Variants in CHLSN observed in about 807,000 individuals in gnomAD.
CHLSN encodes cholesin.
At chr7:997,800 G>A in the CHLSN span, 2 of 1,604,216 alleles carry the variant, frequency 1.2e-6, no homozygotes, top group African/African-American at 1.3e-5. Context: ...GTGCTCATCG[G>A]GAACCTGGAC....
At chr7:1,069,269 T>G in the CHLSN span, among the ~76,000 whole-genome samples, 1 of 152,098 alleles carries the variant, frequency 6.6e-6, no homozygotes, top group African/African-American at 2.4e-5. Context: ...AGGCAGAGGT[T>G]GCGGTGAGCC....
chr7:1,020,426 G>A, the CHLSN span, among the ~76,000 whole-genome samples: 12 of 152,130 alleles, frequency 7.9e-5, no homozygotes, highest in Non-Finnish European at 1.5e-4. Context: ...CCCTAGGTTC[G>A]CTTCTCGCCA....
At chr7:1,080,263 G>C in the CHLSN span, among the ~76,000 whole-genome samples, 2 of 152,362 alleles carry the variant, frequency 1.3e-5, no homozygotes, top group East Asian at 3.9e-4. Flanking sequence ...AACATTTAAA[G>C]CAGCTTTATA....
chr7:1,019,654 T>C, the CHLSN span, among the ~76,000 whole-genome samples: 1,989 of 152,308 alleles, frequency 0.013, 23 homozygotes, highest in Non-Finnish European at 0.021. Flanking sequence ...GAAGCTCCAG[T>C]GGCCGCCAAG....
chr7:1,030,434 C>T, the CHLSN span, among the ~76,000 whole-genome samples: 6 of 152,168 alleles, frequency 3.9e-5, no homozygotes, highest in South Asian at 6.2e-4. Context: ...TGCAGTCCCC[C>T]GGGCTGGGCC....
the CHLSN span, among the ~76,000 whole-genome samples, chr7:1,013,587 T>C: frequency 6.6e-6 from 1 of 152,218 alleles, no homozygotes; most frequent in African/African-American, 2.4e-5. Context: ...GCCACTCTTC[T>C]GGGAGAGGTG....
At chr7:1,136,499 AATAT>A in the CHLSN span, among the ~76,000 whole-genome samples, 15 of 109,896 alleles carry the variant, frequency 1.4e-4, no homozygotes, top group Admixed American at 3.9e-4. Context: ...TAAACATATA[AATAT>A]ATATAAACAT....
chr7:1,059,733 G>C, the CHLSN span, among the ~76,000 whole-genome samples: 1 of 38,796 alleles, frequency 2.6e-5, no homozygotes, highest in Non-Finnish European at 5.7e-5. Context: ...CGGGTCTTAG[G>C]GGGGCGGGTC....
chr7:1,098,032 G>A, the CHLSN span, among the ~76,000 whole-genome samples: 1 of 152,288 alleles, frequency 6.6e-6, no homozygotes, highest in African/African-American at 2.4e-5. Flanking sequence ...GCGTCGTGAA[G>A]GATTTTATGG....
chr7:1,050,699 G>C, the CHLSN span, among the ~76,000 whole-genome samples: 1 of 152,194 alleles, frequency 6.6e-6, no homozygotes, highest in African/African-American at 2.4e-5. Context: ...GCCCAGCACG[G>C]GGTCTTGGAA....
the CHLSN span, chr7:987,083 G>C: frequency 6.7e-7 from 1 of 1,494,014 alleles, no homozygotes; most frequent in South Asian, 1.3e-5. Flanking sequence ...ATCATCCCAC[G>C]AGCCCTGCCC....
chr7:1,049,811 C>T, the CHLSN span, among the ~76,000 whole-genome samples: 2 of 152,218 alleles, frequency 1.3e-5, no homozygotes, highest in East Asian at 3.8e-4. Context: ...AAATTTTGGG[C>T]ACCACTGTAC....
the CHLSN span, among the ~76,000 whole-genome samples, chr7:1,126,880 C>T: frequency 2.6e-5 from 4 of 152,146 alleles, no homozygotes; most frequent in African/African-American, 9.7e-5. Context: ...TTTTTAAACA[C>T]AGGCTTTCAG....
the CHLSN span, among the ~76,000 whole-genome samples, chr7:1,135,174 G>C: frequency 6.6e-6 from 1 of 152,106 alleles, no homozygotes; most frequent in African/African-American, 2.4e-5. Context: ...GAAGGACCCA[G>C]GCTTAGTGCT....
chr7:1,047,245 G>A, the CHLSN span, among the ~76,000 whole-genome samples: 1 of 152,172 alleles, frequency 6.6e-6, no homozygotes, highest in African/African-American at 2.4e-5. Flanking sequence ...TTGGTCTCAG[G>A]CCCCCAGAGC....
chr7:999,312 G>A, the CHLSN span, among the ~76,000 whole-genome samples: 1 of 152,272 alleles, frequency 6.6e-6, no homozygotes, highest in Non-Finnish European at 1.5e-5. Context: ...CCCGCATGCT[G>A]GAATCAGCTG....
chr7:1,028,244 C>T, the CHLSN span: 5 of 1,093,818 alleles, frequency 4.6e-6, no homozygotes, highest in Admixed American at 4.5e-5. Flanking sequence ...CGGGCCCTGG[C>T]CCCGCGCACT....
At chr7:1,038,629 G>A in the CHLSN span, among the ~76,000 whole-genome samples, 6 of 79,164 alleles carry the variant, frequency 7.6e-5, no homozygotes, top group East Asian at 4.1e-4. Flanking sequence ...CCCTCTGCCC[G>A]GCCAGCCGCC....
chr7:986,819 C>T, the CHLSN span: 703 of 1,510,578 alleles, frequency 4.7e-4, no homozygotes, highest in Non-Finnish European at 5.8e-4. Context: ...CCCAAGACCT[C>T]CTTGAAGGCC....
Sources: gnomAD v4.1 joint callset for allele counts (sites outside exome capture counted in the v4.1 genomes callset) on GRCh38, gnomAD v4.1.1 for gene constraint, MANE v1.5 for transcripts, NCBI Gene and HGNC (gene_info 2026-07-23, HGNC 2026-07-21) for gene names.